The following RPH3A variants were observed in gnomAD, a reference collection of about 807,000 sequenced individuals.
RPH3A encodes rabphilin 3A.
In RPH3A, 48 loss-of-function variants were observed where a neutral mutation model predicts 102.2. That is an observed-to-expected ratio of 0.47 (90% CI 0.37 to 0.60). RPH3A has a LOEUF of 0.60. Ranked by LOEUF, RPH3A falls within the 20% of genes least tolerant of loss-of-function variation. RPH3A has a pLI of 0.00. For synonymous variants in RPH3A, 310 were observed against 324.3 expected (o/e 0.96, Z 0.47); for missense variants, 781 against 910.1 (o/e 0.86, Z 1.83).
rs200778122 is a variant in RPH3A, at chr12:112,883,407, C to G, written c.1436+5C>G. 4.6e-5 allele frequency: 74 copies of G among 1,609,998 alleles called. No homozygotes were observed. In the East Asian group the frequency reaches 1.5e-3, roughly 33 times the overall value. On this transcript the variant is annotated splice_donor_5th_base_variant and intron_variant, in intron 16 of 21. Coordinates refer to ENST00000389385, the MANE Select transcript of RPH3A (RefSeq NM_001143854.2). ...CATGCAAAGGAAGACCCTCAGGTAC[C>G]TGGCAGGCAGAGGGCAGAGAGGGAG...
chr12:112,890,036 G>T lies in RPH3A; in HGVS notation c.1576G>T (p.Gly526Trp). The change falls in exon 18 of 22, where the codon GGG (glycine) becomes TGG (tryptophan). Residue 526 changes from glycine to tryptophan, a missense_variant. This residue lies in a region of RPH3A where 730 missense variants were observed against 810.0 expected (regional missense o/e 0.90). Coordinates refer to ENST00000389385, the MANE Select transcript of RPH3A (RefSeq NM_001143854.2). ...LERVIPMKRAGTTGSARGMAL... is the reference protein window; with the variant it reads ...LERVIPMKRAWTTGSARGMAL... Reference sequence around the variant, plus strand: ...TTCTTCTTTTAAGATGAAACGTGCTGGGACCACCGGGTCAGCCCGAGGCAT... The same window carrying T: ...TTCTTCTTTTAAGATGAAACGTGCTTGGACCACCGGGTCAGCCCGAGGCAT... The T allele has an allele frequency of 6.2e-7, 1 of 1,613,564 alleles. No individual in the cohort carries two copies.
intron 1 of RPH3A, among the ~76,000 whole-genome samples, chr12:112,774,265 C>A (rs971455237): frequency 1.3e-5 from 2 of 151,992 alleles, no homozygotes; most frequent in African/African-American, 2.4e-5. Flanking sequence ...CAAATAAAAG[C>A]AAAGAGGTTG....
intron 1 of RPH3A, among the ~76,000 whole-genome samples, chr12:112,661,183 T>C (rs931872076): frequency 2.0e-5 from 3 of 152,190 alleles, no homozygotes; most frequent in South Asian, 2.1e-4. Flanking sequence ...CCCACTCTTA[T>C]GGAATACAGA....
chr12:112,803,331 G>GAGGGAGAGGATGAATTATC (rs2041391731), intron 2 of RPH3A, among the ~76,000 whole-genome samples: 2 of 152,086 alleles, frequency 1.3e-5, no homozygotes, highest in South Asian at 4.2e-4. Flanking sequence ...CAGATGGAGA[G>GAGGGAGAGGATGAATTATC]AGGGAGAGGA....
At position 112,896,898 on chromosome 12, in the gene RPH3A, C is replaced by G. The variant is rs1008452796; in HGVS notation, c.*118C>G. On this transcript the variant is annotated 3_prime_UTR_variant, in exon 22 of 22. Transcript: ENST00000389385. ...CTCCCCCCATACCCTGCTGATCTCC[C>G]TGAGCCTGCCTTTGAGCCCCCGTCA... 15 of 1,137,410 alleles carry G rather than the reference C, an allele frequency of 1.3e-5. No individual in the cohort carries two copies. In the Admixed American group the frequency reaches 2.7e-4, roughly 21 times the overall value. The allele number at this position is 1,137,410 out of a possible 1,614,324, so 70.5% of individuals were successfully genotyped here.
chr12:112,760,886 C>T (rs974810715), intron 1 of RPH3A, among the ~76,000 whole-genome samples: 12 of 152,174 alleles, frequency 7.9e-5, no homozygotes, highest in Non-Finnish European at 1.3e-4. Flanking sequence ...TGATGACCCC[C>T]GCCCCCAACC....
chr12:112,718,311 A>G (rs552453620), intron 1 of RPH3A, among the ~76,000 whole-genome samples: 1 of 152,382 alleles, frequency 6.6e-6, no homozygotes, highest in Admixed American at 6.5e-5. Flanking sequence ...TATTTGGATT[A>G]TGAAAGCAAA....
intron 1 of RPH3A, among the ~76,000 whole-genome samples, chr12:112,578,036 A>G (rs1187705328): frequency 6.6e-6 from 1 of 152,160 alleles, no homozygotes; most frequent in Non-Finnish European, 1.5e-5. Flanking sequence ...CTGAGTTATA[A>G]TGGAAGTCAC....
intron 5 of RPH3A, among the ~76,000 whole-genome samples, chr12:112,850,133 C>T (rs932491216): frequency 1.2e-4 from 19 of 152,182 alleles, no homozygotes; most frequent in African/African-American, 4.3e-4. Flanking sequence ...AATTCCAGTT[C>T]TGCCACTTAC....
intron 1 of RPH3A, among the ~76,000 whole-genome samples, chr12:112,699,968 C>T (rs1299766967): frequency 6.6e-6 from 1 of 151,930 alleles, no homozygotes; most frequent in Non-Finnish European, 1.5e-5. Flanking sequence ...AAGAAGAGTT[C>T]AATAAATGTT....
intron 1 of RPH3A, among the ~76,000 whole-genome samples, chr12:112,760,974 C>T (rs2040851152): frequency 6.6e-6 from 1 of 152,144 alleles, no homozygotes; most frequent in Admixed American, 6.5e-5. Context: ...CACTGTTTGC[C>T]ATCCTTGAGG....
At chr12:112,861,960 C>G (rs1014832469) in intron 5 of RPH3A, among the ~76,000 whole-genome samples, 15 of 145,162 alleles carry the variant, frequency 1.0e-4, no homozygotes, top group African/African-American at 3.1e-4. Flanking sequence ...TTGCAGTTAG[C>G]CGAGATCGCA....
At chr12:112,611,202 TTG>T (rs1474169496) in intron 1 of RPH3A, among the ~76,000 whole-genome samples, 3 of 152,248 alleles carry the variant, frequency 2.0e-5, no homozygotes, top group Non-Finnish European at 4.4e-5. Flanking sequence ...ACCTTTTAGC[TTG>T]TTAATCAGTT....
At chr12:112,769,207 A>G (rs1480860496) in intron 1 of RPH3A, among the ~76,000 whole-genome samples, 2 of 152,160 alleles carry the variant, frequency 1.3e-5, no homozygotes, top group African/African-American at 4.8e-5. Flanking sequence ...TTTCCCTCTC[A>G]TGGGTTTCTC....
At chr12:112,674,249 G>A (rs566543126) in intron 1 of RPH3A, among the ~76,000 whole-genome samples, 1 of 152,178 alleles carries the variant, frequency 6.6e-6, no homozygotes, top group African/African-American at 2.4e-5. Context: ...GTAGAGATGG[G>A]GTCTTGCTGT....
At chr12:112,802,232 A>G (rs1328839518) in intron 2 of RPH3A, among the ~76,000 whole-genome samples, 1 of 152,198 alleles carries the variant, frequency 6.6e-6, no homozygotes, top group Non-Finnish European at 1.5e-5. Flanking sequence ...GACACCATGC[A>G]TGCATAGAGG....
At chr12:112,867,519 G>A (rs2042631729) in intron 7 of RPH3A, among the ~76,000 whole-genome samples, 1 of 152,166 alleles carries the variant, frequency 6.6e-6, no homozygotes, top group South Asian at 2.1e-4. Flanking sequence ...GCTTGATGAA[G>A]GTGTTATTGA....
At chr12:112,669,715 A>G (rs2040113680) in intron 1 of RPH3A, among the ~76,000 whole-genome samples, 1 of 152,246 alleles carries the variant, frequency 6.6e-6, no homozygotes, top group Admixed American at 6.5e-5. Flanking sequence ...AAATGAGATC[A>G]TACTGTGTAG....
chr12:112,576,620 T>C (rs2135955928), intron 1 of RPH3A, among the ~76,000 whole-genome samples: 1 of 152,324 alleles, frequency 6.6e-6, no homozygotes, highest in African/African-American at 2.4e-5. Context: ...CCTCCCAAAG[T>C]GCTGGGACTA....
Sources: gnomAD v4.1 joint callset for allele counts (sites outside exome capture counted in the v4.1 genomes callset) on GRCh38, gnomAD v4.1.1 for gene constraint, gnomAD v4.1.1 regional missense constraint, MANE v1.5 for transcripts, NCBI Gene and HGNC (gene_info 2026-07-23, HGNC 2026-07-21) for gene names.